ENTPD1: variants seen among roughly 807,000 people sequenced by gnomAD.
The protein encoded by ENTPD1 is ectonucleoside triphosphate diphosphohydrolase 1.
Under a neutral mutation model 57.0 loss-of-function variants are expected in ENTPD1, and 33 were observed. That is an observed-to-expected ratio of 0.58 (90% CI 0.44 to 0.77). The LOEUF is 0.77. Ranked by LOEUF, ENTPD1 falls within the 30% of genes least tolerant of loss-of-function variation. The probability of loss-of-function intolerance (pLI) is 0.00; values close to 1 mark genes in which losing one functional copy is unlikely to be tolerated. For missense variants in ENTPD1, 501 were observed against 603.4 expected (o/e 0.83, Z 1.78); for synonymous variants, 202 against 218.8 (o/e 0.92, Z 0.68).
chr10:95,872,823 T>C lies in ENTPD1; in HGVS notation c.*6440T>C, dbSNP rs2098481979. 1 of 985,416 alleles carries C rather than the reference T, an allele frequency of 1.0e-6. No homozygotes were observed. Among genetic ancestry groups the C allele is most frequent in the African/African-American group, 1.7e-5 (1 of 57,348 alleles). The allele number at this position is 985,416 out of a possible 1,614,324, so 61.0% of individuals were successfully genotyped here. Reference sequence around the variant, plus strand: ...ATGTAACCATCTTCTTTCTCCAGGTTTTAAGAACCAGCCCAACTCCTGGTT... The same window carrying C: ...ATGTAACCATCTTCTTTCTCCAGGTCTTAAGAACCAGCCCAACTCCTGGTT... On this transcript the variant is annotated 3_prime_UTR_variant, in exon 10 of 10. Coordinates refer to ENST00000371205, the MANE Select transcript of ENTPD1 (RefSeq NM_001776.6).
chr10:95,750,996 C>G (rs994161651), upstream of ENTPD1, among the ~76,000 whole-genome samples: 1 of 152,134 alleles, frequency 6.6e-6, no homozygotes, highest in African/African-American at 2.4e-5. Flanking sequence ...GGACTCCAGC[C>G]TGGGTGACAG....
chr10:95,852,424 CTTTAG>C (rs2098446977), intron 7 of ENTPD1, among the ~76,000 whole-genome samples: 2 of 152,148 alleles, frequency 1.3e-5, no homozygotes, highest in Non-Finnish European at 2.9e-5. Context: ...TGCAGAAGCT[CTTTAG>C]TTTAATTAGA....
chr10:95,794,774 A>G (rs569139139), intron 1 of ENTPD1, among the ~76,000 whole-genome samples: 1 of 152,220 alleles, frequency 6.6e-6, no homozygotes, highest in South Asian at 2.1e-4. Flanking sequence ...CTGAAGGGTA[A>G]ATAGGAAATA....
chr10:95,722,660 G>A (rs1049860019), intron 1 of ENTPD1, among the ~76,000 whole-genome samples: 2 of 140,842 alleles, frequency 1.4e-5, no homozygotes, highest in African/African-American at 2.6e-5. Context: ...TTGGAGGGAG[G>A]GGGGAGGGTT....
chr10:95,782,304 T>A (rs1589805986), intron 1 of ENTPD1, among the ~76,000 whole-genome samples: 2 of 152,356 alleles, frequency 1.3e-5, no homozygotes, highest in East Asian at 3.9e-4. Context: ...TTTGGTTGAT[T>A]TATTGAGTGA....
rs890448899 is a variant in ENTPD1 at position 95,732,486 on chromosome 10, A to G, written c.37+20493A>G. Among the ~76,000 whole-genome samples the G allele has an allele frequency of 1.6e-4, 25 of 152,352 alleles. 1 individual carries two copies. The highest frequency in any genetic ancestry group is 7.2e-4 in the Admixed American group (11 of 15,304). ...GCAAAAATAAAAATTTTCTTTTTACATATCAATGAAAATTTGTAGGGGCTG... is the reference window on the plus strand; with the variant it reads ...GCAAAAATAAAAATTTTCTTTTTACGTATCAATGAAAATTTGTAGGGGCTG... On this transcript the variant is annotated intron_variant, in intron 1 of 9. Transcript: ENST00000453258.
chr10:95,748,063 C>T (rs755698425), intron 1 of ENTPD1, among the ~76,000 whole-genome samples: 133 of 151,994 alleles, frequency 8.8e-4, no homozygotes, highest in Non-Finnish European at 1.5e-3. Context: ...TTAGTAGAGA[C>T]GGAATTTCAC....
intron 1 of ENTPD1, among the ~76,000 whole-genome samples, chr10:95,821,880 G>A (rs145755797): frequency 6.6e-5 from 10 of 152,216 alleles, no homozygotes; most frequent in African/African-American, 2.2e-4. Context: ...GAATAGTTTG[G>A]GGAGTTGAGA....
At chr10:95,750,061 C>T (rs889403131) in intron 1 of ENTPD1, among the ~76,000 whole-genome samples, 3 of 151,978 alleles carry the variant, frequency 2.0e-5, no homozygotes, top group African/African-American at 4.8e-5. Context: ...AGATAGGAAC[C>T]GCTGAATTTG....
intron 7 of ENTPD1, among the ~76,000 whole-genome samples, chr10:95,850,696 G>A (rs2098443527): frequency 6.6e-6 from 1 of 152,186 alleles, no homozygotes; most frequent in Admixed American, 6.6e-5. Flanking sequence ...CAAAAAGCGG[G>A]CATACCCCAG....
chr10:95,765,660 G>T (rs1436700375), intron 1 of ENTPD1, among the ~76,000 whole-genome samples: 1 of 151,994 alleles, frequency 6.6e-6, no homozygotes, highest in South Asian at 2.1e-4. Flanking sequence ...TATTGTTTGG[G>T]GTATTATGGG....
chr10:95,780,312 G>T (rs1385995261), intron 1 of ENTPD1, among the ~76,000 whole-genome samples: 1 of 152,102 alleles, frequency 6.6e-6, no homozygotes, highest in Admixed American at 6.6e-5. Flanking sequence ...GAATAAATAT[G>T]TGGCCCTATA....
intron 1 of ENTPD1, among the ~76,000 whole-genome samples, chr10:95,795,518 A>C (rs762985213): frequency 1.3e-5 from 2 of 152,196 alleles, no homozygotes; most frequent in African/African-American, 2.4e-5. Flanking sequence ...GTCTGGACCA[A>C]ATATATAGTA....
chr10:95,749,963 C>G (rs2098010019), intron 1 of ENTPD1, among the ~76,000 whole-genome samples: 1 of 152,066 alleles, frequency 6.6e-6, no homozygotes, highest in Non-Finnish European at 1.5e-5. Context: ...CACAATAATA[C>G]AGGATACAGG....
chr10:95,857,631 T>C (rs567775251), intron 7 of ENTPD1, among the ~76,000 whole-genome samples: 2 of 152,234 alleles, frequency 1.3e-5, no homozygotes, highest in Non-Finnish European at 2.9e-5. Context: ...TCCAAGCATA[T>C]ATAAATTTAT....
upstream of ENTPD1, chr10:95,755,840 T>A: frequency 6.6e-7 from 1 of 1,513,712 alleles, no homozygotes; most frequent in South Asian, 1.2e-5. Flanking sequence ...CTGAGATGAC[T>A]TTTTCAAGGG....
intron 7 of ENTPD1, among the ~76,000 whole-genome samples, chr10:95,852,104 T>A (rs964612243): frequency 2.6e-5 from 4 of 152,218 alleles, no homozygotes; most frequent in Non-Finnish European, 5.9e-5. Context: ...GTTTCCTGAC[T>A]TTTTAATGAT....
At chr10:95,709,948 GT>G, upstream of ENTPD1, among the ~76,000 whole-genome samples, 1 of 151,120 alleles carries the variant, frequency 6.6e-6, no homozygotes, top group South Asian at 2.1e-4. Flanking sequence ...GCTAGTTTTT[GT>G]ATTTTTAGTA....
the ENTPD1 span, among the ~76,000 whole-genome samples, chr10:95,696,746 G>C: frequency 6.6e-6 from 1 of 152,178 alleles, no homozygotes; most frequent in East Asian, 1.9e-4. Flanking sequence ...CTTAAATTGA[G>C]ATCATATAAT....
Sources: gnomAD v4.1 joint callset for allele counts (sites outside exome capture counted in the v4.1 genomes callset) on GRCh38, gnomAD v4.1.1 for gene constraint, MANE v1.5 for transcripts, NCBI Gene and HGNC (gene_info 2026-07-23, HGNC 2026-07-21) for gene names.